The following THSD4 variants were observed in gnomAD, a reference collection of about 807,000 sequenced individuals.
THSD4 encodes the protein thrombospondin type-1 domain-containing protein 4.
A neutral mutation model predicts 119.0 loss-of-function variants in THSD4; 69 were observed. The ratio of observed to expected loss-of-function variants is 0.58; its 90% CI spans 0.48 to 0.71. The LOEUF (loss-of-function observed/expected upper bound fraction) is 0.71. THSD4 is among the 30% of genes least tolerant of loss of function. THSD4 has a pLI of 0.00. For missense variants in THSD4, 1,393 were observed against 1,391.1 expected, an observed-to-expected ratio of 1.00 and a Z score of -0.02; for synonymous variants, 524 against 540.4, an observed-to-expected ratio of 0.97 and a Z score of 0.42.
chr15:71,307,100 T>A (rs1168013596), intron 6 of THSD4, among the ~76,000 whole-genome samples: 1 of 152,174 alleles, frequency 6.6e-6, no homozygotes, highest in African/African-American at 2.4e-5. Context: ...TTCCTTGTTC[T>A]TGGGGATTCT....
chr15:71,715,884 C>G (rs535726931), intron 8 of THSD4, among the ~76,000 whole-genome samples: 1 of 151,954 alleles, frequency 6.6e-6, no homozygotes, highest in Non-Finnish European at 1.5e-5. Flanking sequence ...TCCACAACCA[C>G]CAAACATGCC....
chr15:71,204,342 A>C (rs1424811814), intron 3 of THSD4, among the ~76,000 whole-genome samples: 3 of 152,192 alleles, frequency 2.0e-5, no homozygotes, highest in African/African-American at 7.2e-5. Context: ...GCTTTTAAAG[A>C]TCATGGAAAT....
chr15:71,427,264 G>GGCACTGGGCAAA (rs1259585327), intron 7 of THSD4, among the ~76,000 whole-genome samples: 1 of 151,886 alleles, frequency 6.6e-6, no homozygotes, highest in African/African-American at 2.4e-5. Context: ...CACTGGGCAA[G>GGCACTGGGCAAA]GCACTGGGAT....
chr15:71,184,676 C>G (rs2043579433), intron 3 of THSD4, among the ~76,000 whole-genome samples: 1 of 151,824 alleles, frequency 6.6e-6, no homozygotes, highest in South Asian at 2.1e-4. Flanking sequence ...GCATATCCTC[C>G]CATCTGCTCA....
chr15:71,505,243 C>A (rs886249503), intron 7 of THSD4, among the ~76,000 whole-genome samples: 1 of 152,194 alleles, frequency 6.6e-6, no homozygotes, highest in Non-Finnish European at 1.5e-5. Flanking sequence ...CTCTAAGATG[C>A]CCAGAACACT....
chr15:71,262,604 G>A (rs2044413937), intron 6 of THSD4, among the ~76,000 whole-genome samples: 1 of 150,432 alleles, frequency 6.6e-6, no homozygotes, highest in South Asian at 2.1e-4. Context: ...GCAGCTTTAT[G>A]TTTGGGTAGC....
At position 71,589,597 on chromosome 15, in the gene THSD4, A is replaced by G. The variant is rs575481857; in HGVS notation, c.1153-70933A>G. 1.0e-3 allele frequency among the ~76,000 whole-genome samples: 146 copies of G among 139,150 alleles called. 32 individuals are homozygous for G. The highest frequency in any genetic ancestry group is 2.1e-3 in the Non-Finnish European group (126 of 61,112). The allele number at this position is 139,150 out of a possible 152,430, so 91.3% of individuals were successfully genotyped here. A position where few individuals can be genotyped will look rare whatever the true frequency, so the allele number is the denominator to read the frequency against. Reference sequence around the variant, plus strand: ...GGTCATGATCTCCTGGCCTCAAGCAATTCTCCGGCCTCAGCCTCCCAAAGT... The same window carrying G: ...GGTCATGATCTCCTGGCCTCAAGCAGTTCTCCGGCCTCAGCCTCCCAAAGT... On this transcript the variant is annotated intron_variant, in intron 7 of 17. Coordinates refer to ENST00000261862, the MANE Select transcript of THSD4 (RefSeq NM_024817.3).
chr15:71,660,479 T>C, intron 7 of THSD4, 51 bp from the exon 8 acceptor site: 2 of 1,606,712 alleles, frequency 1.2e-6, no homozygotes, highest in Non-Finnish European at 1.7e-6. Flanking sequence ...TTCCTTCCTC[T>C]GCATGCTCCT....
At chr15:71,574,987 G>T (rs1023176488) in intron 7 of THSD4, among the ~76,000 whole-genome samples, 1 of 152,036 alleles carries the variant, frequency 6.6e-6, no homozygotes, top group Non-Finnish European at 1.5e-5. Flanking sequence ...TTTATGCTTG[G>T]GGCTTTAGCG....
intron 7 of THSD4, among the ~76,000 whole-genome samples, chr15:71,491,522 GC>G (rs1377567076): frequency 1.3e-5 from 2 of 152,168 alleles, no homozygotes; most frequent in Non-Finnish European, 2.9e-5. Context: ...CAGCAGGAAG[GC>G]CCTTGCCAGA....
At chr15:71,739,474 G>T (rs1024577744) in intron 11 of THSD4, among the ~76,000 whole-genome samples, 2 of 152,166 alleles carry the variant, frequency 1.3e-5, no homozygotes, top group Non-Finnish European at 2.9e-5. Context: ...TGGACCCAGG[G>T]TCCCGTTTCC....
At chr15:71,196,605 T>C (rs557839123) in intron 3 of THSD4, among the ~76,000 whole-genome samples, 4 of 152,192 alleles carry the variant, frequency 2.6e-5, no homozygotes, top group Admixed American at 2.6e-4. Flanking sequence ...GAGGAGGTGC[T>C]CTTGAGTGGG....
chr15:71,524,762 AATT>A (rs1412136817), intron 7 of THSD4, among the ~76,000 whole-genome samples: 4 of 63,048 alleles, frequency 6.3e-5, no homozygotes, highest in African/African-American at 1.7e-4. Flanking sequence ...ACGCCCGGCT[AATT>A]TTTTTTTTTT....
At chr15:71,492,450 T>C (rs2047934475) in intron 7 of THSD4, among the ~76,000 whole-genome samples, 1 of 151,542 alleles carries the variant, frequency 6.6e-6, no homozygotes, top group South Asian at 2.1e-4. Flanking sequence ...TTGTTGTTGT[T>C]GTTTTTGTAT....
chr15:71,642,969 AAG>A (rs772813296), intron 7 of THSD4, among the ~76,000 whole-genome samples: 1 of 152,112 alleles, frequency 6.6e-6, no homozygotes, highest in Non-Finnish European at 1.5e-5. Flanking sequence ...AAAAATAAAA[AAG>A]AGTCTAGGTT....
At position 71,396,192 on chromosome 15, in the gene THSD4, TATAA is replaced by T. The variant is rs555388780; in HGVS notation, c.1016-15491_1016-15488del. The stretch of plus-strand genomic sequence containing the variant: ...TGTATATACATACACACATATGCCC[TATAA>T]ATACATACTCTGATACACCCACATA... On this transcript the variant is annotated intron_variant, in intron 6 of 17. Coordinates refer to ENST00000261862, the MANE Select transcript of THSD4 (RefSeq NM_024817.3). Among the ~76,000 whole-genome samples, 145 of 152,174 alleles carry T rather than the reference TATAA, an allele frequency of 9.5e-4. 3 individuals carry two copies. In the South Asian group the frequency reaches 0.027, roughly 29 times the overall value.
intron 7 of THSD4, among the ~76,000 whole-genome samples, chr15:71,498,318 A>G (rs183698622): frequency 2.0e-5 from 3 of 152,320 alleles, no homozygotes; most frequent in East Asian, 1.9e-4. Flanking sequence ...TTTAGGGTCC[A>G]TTGCAAGTTG....
At chr15:71,332,892 A>ATTTTTTTTTTTTTTTTTTTTTT in intron 6 of THSD4, among the ~76,000 whole-genome samples, 2,255 of 76,646 alleles carry the variant, frequency 0.029, 437 homozygotes, top group Non-Finnish European at 0.039. Flanking sequence ...ATTTTTTTAC[A>ATTTTTTTTTTTTTTTTTTTTTT]TTTTTTTTTT....
upstream of THSD4, chr15:71,111,509 A>G: frequency 2.1e-6 from 2 of 955,932 alleles, no homozygotes; most frequent in Non-Finnish European, 3.1e-6. Flanking sequence ...ACAGCTCAAA[A>G]TAACAGCAAG....
Sources: gnomAD v4.1 joint callset for allele counts (sites outside exome capture counted in the v4.1 genomes callset) on GRCh38, gnomAD v4.1.1 for gene constraint, MANE v1.5 for transcripts, NCBI Gene and HGNC (gene_info 2026-07-23, HGNC 2026-07-21) for gene names.